Variants in PCDH15 observed in about 807,000 individuals in gnomAD.
PCDH15 encodes protocadherin related 15, also known as protocadherin-15.
Under a neutral mutation model 178.5 loss-of-function variants are expected in PCDH15, and 129 were observed. The ratio of observed to expected loss-of-function variants is 0.72; its 90% CI spans 0.63 to 0.84. PCDH15 has a LOEUF of 0.84. Ranked by LOEUF, PCDH15 falls within the 40% of genes least tolerant of loss-of-function variation. The probability of loss-of-function intolerance (pLI) is 0.00; values close to 1 mark genes in which losing one functional copy is unlikely to be tolerated. For synonymous variants in PCDH15, 800 were observed against 732.0 expected, an observed-to-expected ratio of 1.09 and a Z score of -1.50; for missense variants, 2,230 against 2,099.9, an observed-to-expected ratio of 1.06 and a Z score of -1.21.
intron 1 of PCDH15, among the ~76,000 whole-genome samples, chr10:55,193,126 C>T (rs1036335115): frequency 2.0e-5 from 3 of 151,546 alleles, no homozygotes; most frequent in Non-Finnish European, 2.9e-5. Context: ...GCTCTTTGTA[C>T]ACTGTAGTGT....
intron 1 of PCDH15, among the ~76,000 whole-genome samples, chr10:55,204,594 C>T (rs976292073): frequency 1.3e-5 from 2 of 151,930 alleles, no homozygotes; most frequent in South Asian, 4.1e-4. Context: ...GTCTATAAGA[C>T]CCAGTTAAAT....
chr10:53,808,899 G>T, intron 37 of PCDH15: 2 of 1,585,966 alleles, frequency 1.3e-6, no homozygotes, highest in Non-Finnish European at 1.7e-6. Context: ...CCTCTTCAGG[G>T]ATATCTTGAG....
intron 1 of PCDH15, among the ~76,000 whole-genome samples, chr10:54,709,759 C>A (rs961065231): frequency 5.4e-5 from 8 of 148,110 alleles, no homozygotes; most frequent in Non-Finnish European, 1.2e-4. Flanking sequence ...ATGTGCAGGA[C>A]ATATCTTAAT....
intron 20 of PCDH15, 45 bp downstream of exon 20, chr10:54,020,147 T>C (rs1031982265): frequency 6.5e-7 from 1 of 1,535,420 alleles, no homozygotes; most frequent in African/African-American, 1.4e-5. Context: ...AACCTACATG[T>C]AGAGAGAGCA....
intron 2 of PCDH15, among the ~76,000 whole-genome samples, chr10:54,602,012 G>GA (rs1299380052): frequency 1.3e-5 from 2 of 151,844 alleles, no homozygotes; most frequent in Admixed American, 6.6e-5. Flanking sequence ...GAGAGGATCT[G>GA]AAAAAAGTAG....
At chr10:55,418,979 T>A (rs934969735) in intron 2 of PCDH15, among the ~76,000 whole-genome samples, 13 of 151,778 alleles carry the variant, frequency 8.6e-5, no homozygotes, top group African/African-American at 3.1e-4. Context: ...TATCTACGTA[T>A]TATATTTGTT....
intron 1 of PCDH15, among the ~76,000 whole-genome samples, chr10:55,249,769 T>C (rs1841785791): frequency 6.6e-6 from 1 of 152,002 alleles, no homozygotes; most frequent in Non-Finnish European, 1.5e-5. Flanking sequence ...TGTAATTATA[T>C]ATGTATCATA....
intron 8 of PCDH15, among the ~76,000 whole-genome samples, chr10:54,265,640 C>A (rs2057625101): frequency 6.6e-6 from 1 of 152,004 alleles, no homozygotes; most frequent in South Asian, 2.1e-4. Context: ...TCAGAAAAAA[C>A]AGATCTTAAG....
rs530193889 is a variant in PCDH15 at position 54,092,823 on chromosome 10, C to T, written c.1918-2760G>A. ...TGAACTTTTTCTGTTGTTTTTCTCTCGGTCAATAAATTTTTCTTATTATGT... is the reference window on the plus strand; with the variant it reads ...TGAACTTTTTCTGTTGTTTTTCTCTTGGTCAATAAATTTTTCTTATTATGT... On this transcript the variant is annotated intron_variant, in intron 15 of 37. Coordinates refer to ENST00000644397, the MANE Select transcript of PCDH15 (RefSeq NM_001384140.1). Among the ~76,000 whole-genome samples the T allele has an allele frequency of 5.3e-5, 8 of 151,998 alleles. No homozygotes were observed. The East Asian group carries it at 7.7e-4, about 15-fold the overall frequency.
chr10:54,612,235 T>C (rs1486302512), intron 2 of PCDH15, among the ~76,000 whole-genome samples: 1 of 151,830 alleles, frequency 6.6e-6, no homozygotes, highest in Non-Finnish European at 1.5e-5. Context: ...ACCACCTTTC[T>C]TGTGAGCACA....
intron 2 of PCDH15, among the ~76,000 whole-genome samples, chr10:55,072,550 A>G (rs1356822710): frequency 6.6e-6 from 1 of 152,192 alleles, no homozygotes; most frequent in African/African-American, 2.4e-5. Flanking sequence ...TAAACCAGGA[A>G]GAAGTTGAAT....
chr10:54,607,544 A>C (rs2134186058), intron 2 of PCDH15, among the ~76,000 whole-genome samples: 1 of 152,166 alleles, frequency 6.6e-6, no homozygotes, highest in South Asian at 2.1e-4. Context: ...TTATGTTTTG[A>C]ACATTATGCA....
chr10:54,821,883 C>G (rs1300675994), intron 3 of PCDH15, among the ~76,000 whole-genome samples: 2 of 151,992 alleles, frequency 1.3e-5, no homozygotes, highest in Non-Finnish European at 2.9e-5. Flanking sequence ...GGTGATTAAT[C>G]TTAAACACGC....
chr10:53,875,956 T>C (rs987262777), intron 26 of PCDH15, among the ~76,000 whole-genome samples: 4 of 152,134 alleles, frequency 2.6e-5, no homozygotes, highest in African/African-American at 9.7e-5. Context: ...CCATTAAAGT[T>C]CAGTAATGCC....
intron 2 of PCDH15, among the ~76,000 whole-genome samples, chr10:54,604,916 T>C (rs1213282399): frequency 6.6e-6 from 1 of 151,728 alleles, no homozygotes; most frequent in Admixed American, 6.6e-5. Context: ...CTACTGTAGG[T>C]AGTAGATTTT....
intron 2 of PCDH15, among the ~76,000 whole-genome samples, chr10:55,606,351 C>G (rs939474512): frequency 1.4e-5 from 2 of 141,132 alleles, no homozygotes; most frequent in Non-Finnish European, 3.0e-5. Flanking sequence ...AATGCCATCC[C>G]CATCAAGCTA....
At chr10:53,863,372 G>T (rs1306401674) in intron 27 of PCDH15, among the ~76,000 whole-genome samples, 4 of 152,076 alleles carry the variant, frequency 2.6e-5, no homozygotes, top group East Asian at 1.9e-4. Flanking sequence ...TATGGTGGGT[G>T]GTCTGAAAGC....
intron 2 of PCDH15, among the ~76,000 whole-genome samples, chr10:54,545,398 A>G (rs1030471807): frequency 2.6e-5 from 4 of 152,176 alleles, no homozygotes; most frequent in African/African-American, 9.6e-5. Context: ...TATAACCAAA[A>G]CAAATGTTAA....
At chr10:55,245,832 C>T (rs1383523151) in intron 1 of PCDH15, among the ~76,000 whole-genome samples, 2 of 152,142 alleles carry the variant, frequency 1.3e-5, no homozygotes, top group Non-Finnish European at 2.9e-5. Flanking sequence ...AGATTATTTT[C>T]CACTTCTCAA....
Sources: allele counts gnomAD v4.1 joint callset (sites outside exome capture counted in the v4.1 genomes callset), GRCh38; gene constraint gnomAD v4.1.1; transcripts MANE v1.5; gene names NCBI Gene and HGNC (gene_info 2026-07-23, HGNC 2026-07-21).